TICRR: variants seen among roughly 807,000 people sequenced by gnomAD.
The protein encoded by TICRR is treslin.
In TICRR, 132 loss-of-function variants were observed where a neutral mutation model predicts 178.1. That is an observed-to-expected ratio of 0.74 (90% CI 0.64 to 0.86). The LOEUF (loss-of-function observed/expected upper bound fraction) is 0.86. Among genes scored for constraint, TICRR ranks in the 40% least tolerant of loss-of-function variants. The pLI is 0.00. For missense variants in TICRR, 2,587 were observed against 2,334.3 expected (o/e 1.11, Z -2.23); for synonymous variants, 991 against 900.7 (o/e 1.10, Z -1.79).
At chr15:89,594,668 AT>A in intron 6 of TICRR, 114 bp downstream of exon 6, 2 of 826,536 alleles carry the variant, frequency 2.4e-6, no homozygotes, top group Non-Finnish European at 1.7e-6. Context: ...AGAAGGGCAA[AT>A]TTTTATATTT....
At chr15:89,622,774 G>C (rs1250227652) in intron 19 of TICRR, among the ~76,000 whole-genome samples, 2 of 152,130 alleles carry the variant, frequency 1.3e-5, no homozygotes, top group East Asian at 3.9e-4. Flanking sequence ...CCAGGCCTTT[G>C]CTAGTATTGT....
intron 4 of TICRR, 57 bp from the exon 5 acceptor site, chr15:89,591,990 C>T (rs1447870616): frequency 1.3e-6 from 2 of 1,541,604 alleles, no homozygotes; most frequent in South Asian, 2.4e-5. Flanking sequence ...GCTTAGAATT[C>T]TCTGCTTTGG....
rs780234898 is a variant in TICRR, at chr15:89,595,432, C to A, written c.1721C>A (p.Thr574Asn). 11 of 1,613,912 alleles carry A rather than the reference C, an allele frequency of 6.8e-6. No homozygotes were observed. The East Asian group carries it at 2.0e-4, about 29-fold the overall frequency. ...PRTPVRQKMN[T>N]MCRSLKMLNV... is the part of the protein sequence containing the mutation. Reference sequence around the variant, plus strand: ...ACTCCAGTGAGACAGAAGATGAATACCATGTGCCGTTCCTTAAAGATGTTG... The same window carrying A: ...ACTCCAGTGAGACAGAAGATGAATAACATGTGCCGTTCCTTAAAGATGTTG... Residue 574 changes from threonine (T) to asparagine (N), a missense_variant, in exon 7 of 22, where the codon ACC (threonine) becomes AAC (asparagine). Thr to Asn is a moderately conservative substitution (Grantham distance 65). Coordinates refer to ENST00000268138, the MANE Select transcript of TICRR (RefSeq NM_152259.4).
intron 15 of TICRR, among the ~76,000 whole-genome samples, chr15:89,609,196 C>T (rs536051814): frequency 6.2e-5 from 9 of 145,022 alleles, no homozygotes; most frequent in East Asian, 2.1e-4. Context: ...CTGCAGCCTC[C>T]ACCTCCCAGG....
At chr15:89,585,965 A>G (rs1962815730) in intron 4 of TICRR, 23 bp downstream of exon 4, 1 of 1,596,612 alleles carries the variant, frequency 6.3e-7, no homozygotes. Flanking sequence ...ACTAGTAACT[A>G]ACAGAGTCTA....
chr15:89,583,736 T>TA (rs1297423664), intron 2 of TICRR, among the ~76,000 whole-genome samples: 1 of 152,040 alleles, frequency 6.6e-6, no homozygotes, highest in African/African-American at 2.4e-5. Flanking sequence ...AGTGCAGTGG[T>TA]ACGATCATAG....
intron 20 of TICRR, 30 bp from the exon 21 acceptor site, chr15:89,625,906 C>T (rs370563790): frequency 3.6e-5 from 55 of 1,545,932 alleles, no homozygotes; most frequent in African/African-American, 1.8e-4. Flanking sequence ...GGTCTGGGGA[C>T]GCTGCTCTTA....
chr15:89,588,757 G>A (rs375270153), intron 4 of TICRR, among the ~76,000 whole-genome samples: 1 of 152,150 alleles, frequency 6.6e-6, no homozygotes, highest in Non-Finnish European at 1.5e-5. Flanking sequence ...GTTATCCAGA[G>A]TTAAGACTGA....
intron 13 of TICRR, 43 bp downstream of exon 13, chr15:89,602,935 C>CA (rs1963120539): frequency 8.9e-7 from 1 of 1,120,782 alleles, no homozygotes; most frequent in Non-Finnish European, 1.2e-6. Context: ...TAAATAAGAA[C>CA]AAAAAGGCAG....
Position 89,624,136 on chromosome 15 carries a change from C to T in TICRR, c.3826C>T (p.Arg1276Trp), listed in dbSNP as rs140978691. Residue 1276 changes from arginine to tryptophan, a missense_variant, in exon 20 of 22, where the codon CGG becomes TGG. Coordinates refer to ENST00000268138, the MANE Select transcript of TICRR (RefSeq NM_152259.4). Reference sequence around the variant, plus strand: ...ACAGCCCCATGTCCTCAGAGCTGCTCGGGCAGAGGAACCAGCCCAGAAACT... The same window carrying T: ...ACAGCCCCATGTCCTCAGAGCTGCTTGGGCAGAGGAACCAGCCCAGAAACT... ...HQQPHVLRAA[R>W]AEEPAQKLKD... is the part of the protein sequence containing the mutation. The T allele has an allele frequency of 1.9e-4, 301 of 1,613,746 alleles. No individual in the cohort carries two copies. The highest frequency in any genetic ancestry group is 2.4e-4 in the Non-Finnish European group (287 of 1,180,018).
At position 89,575,872 on chromosome 15, in the gene TICRR, AG is replaced by A; in HGVS notation, c.289del (p.Ala97ProfsTer8). 6.3e-7 allele frequency: 1 copy of A among 1,586,106 alleles called. No homozygotes were observed. Reference sequence around the variant, plus strand: ...CGCCCACCTGCCCGGCCCGGCGCCCAGGGCCACCCACACGCACGGCGCCCTG... The same window carrying A: ...CGCCCACCTGCCCGGCCCGGCGCCCAGGCCACCCACACGCACGGCGCCCTG... Reference protein sequence around the residue: ...DRAHLPGPAPRATHTHGALME... With the variant: ...DRAHLPGPAPXATHTHGALME... On this transcript the variant is annotated frameshift_variant, in exon 1 of 22. Coordinates refer to ENST00000268138, the MANE Select transcript of TICRR (RefSeq NM_152259.4). LOFTEE classifies it high-confidence loss of function.
intron 15 of TICRR, among the ~76,000 whole-genome samples, chr15:89,612,350 C>T (rs1201780818): frequency 1.3e-5 from 2 of 152,064 alleles, no homozygotes; most frequent in East Asian, 3.9e-4. Context: ...TTGGGAGAAA[C>T]CCACTGTAGC....
chr15:89,603,040 GA>G, intron 13 of TICRR, 148 bp downstream of exon 13: 1 of 420,114 alleles, frequency 2.4e-6, no homozygotes. Flanking sequence ...AAGGAATAAA[GA>G]AATATAAACT....
At chr15:89,625,811 T>G in intron 20 of TICRR, 25 bp downstream of exon 20, 1 of 1,578,238 alleles carries the variant, frequency 6.3e-7, no homozygotes. Context: ...GAAACCCAGT[T>G]TCCTCATGGT....
intron 7 of TICRR, 114 bp from the exon 8 acceptor site, chr15:89,599,210 A>T (rs1963051939): frequency 1.2e-6 from 1 of 852,868 alleles, no homozygotes; most frequent in Non-Finnish European, 1.7e-6. Context: ...AATCCAGACA[A>T]GGCCAAATGT....
chr15:89,599,179 C>CCCACCA, intron 7 of TICRR, 145 bp from the exon 8 acceptor site: 2 of 591,468 alleles, frequency 3.4e-6, no homozygotes, highest in South Asian at 2.4e-5. Context: ...CACCCCCGCC[C>CCCACCA]CCACCACCAT....
chr15:89,608,679 T>C, intron 14 of TICRR, 124 bp from the exon 15 acceptor site: 1 of 746,476 alleles, frequency 1.3e-6, no homozygotes, highest in Non-Finnish European at 2.0e-6. Context: ...TTAGCATATG[T>C]GACAATAGCA....
chr15:89,601,529 C>T lies in TICRR; in HGVS notation c.2288C>T (p.Ser763Leu), dbSNP rs1281512951. 1.2e-6 allele frequency: 2 copies of T among 1,614,194 alleles called. No individual in the cohort carries two copies. The highest frequency in any genetic ancestry group is 1.6e-4 in the Middle Eastern group (1 of 6,062). Residue 763 changes from serine to leucine, a missense_variant, in exon 11 of 22, where the codon TCA becomes TTA. Physicochemically the swap from Ser to Leu is moderately radical, Grantham distance 145 (BLOSUM62 -2). Transcript: ENST00000268138. ...LLRMVCLTEDSAYLAEFLEEI... is the reference protein window; with the variant it reads ...LLRMVCLTEDLAYLAEFLEEI... ...CGCATGGTGTGTTTAACTGAGGATT[C>T]AGCGTACCTAGCAGAGTTTCTGGAG...
rs1392740455 is a variant in TICRR, at chr15:89,597,515, ACT to A, written c.1901-1806_1901-1805del. 3.3e-4 allele frequency among the ~76,000 whole-genome samples: 47 copies of A among 141,618 alleles called. No individual in the cohort carries two copies. The East Asian group carries it at 9.0e-3, about 27-fold the overall frequency. 92.9% of individuals were successfully genotyped at this position (141,618 alleles called of 152,430 possible). A position where few individuals can be genotyped will look rare whatever the true frequency, so the allele number is the denominator to read the frequency against. Reference sequence around the variant, plus strand: ...ACTCCAGCCTGGGTGACGGAGCAAGACTCTGTCTCAAAAAAAAAAAAAAAAAT... The same window carrying A: ...ACTCCAGCCTGGGTGACGGAGCAAGACTGTCTCAAAAAAAAAAAAAAAAAT... On this transcript the variant is annotated intron_variant, in intron 7 of 21. Coordinates refer to ENST00000268138, the MANE Select transcript of TICRR (RefSeq NM_152259.4).
Sources: allele counts gnomAD v4.1 joint callset (sites outside exome capture counted in the v4.1 genomes callset), GRCh38; gene constraint gnomAD v4.1.1; transcripts MANE v1.5; gene names NCBI Gene and HGNC (gene_info 2026-07-23, HGNC 2026-07-21).